PABPC4L: variants seen among roughly 807,000 people sequenced by gnomAD.
PABPC4L encodes poly(A) binding protein cytoplasmic 4 like, also known as polyadenylate-binding protein 4-like.
For missense variants in PABPC4L, 452 were observed against 451.4 expected, an observed-to-expected ratio of 1.00 and a Z score of -0.01; for synonymous variants, 169 against 164.1, an observed-to-expected ratio of 1.03 and a Z score of -0.23.
the PABPC4L span, among the ~76,000 whole-genome samples, chr4:134,032,182 C>T: frequency 6.6e-6 from 1 of 151,682 alleles, no homozygotes; most frequent in Non-Finnish European, 1.5e-5. Flanking sequence ...GATACCATAG[C>T]AAAGGCACAA....
rs1729812735 is a variant in PABPC4L, at chr4:134,200,318, A to G, written c.702T>C (p.Phe234=). 2 of 1,593,300 alleles carry G rather than the reference A, an allele frequency of 1.3e-6. No individual in the cohort carries two copies. Among genetic ancestry groups the G allele is most frequent in the East Asian group, 2.3e-5 (1 of 44,026 alleles). The change falls in exon 2 of 2, where the codon TTT becomes TTC. Residue 234 remains phenylalanine (F), a synonymous_variant. Transcript: ENST00000421491. Reference sequence around the variant, plus strand: ...CAGCCTCATGGCTATCAAAACTCACAAAGCCAAAGCCTTTGGATTTCCCAC... The same window carrying G: ...CAGCCTCATGGCTATCAAAACTCACGAAGCCAAAGCCTTTGGATTTCCCAC... ...DSSGKSKGFG[F]VSFDSHEAAK...
the PABPC4L span, among the ~76,000 whole-genome samples, chr4:134,035,844 A>G: frequency 6.6e-6 from 1 of 151,994 alleles, no homozygotes; most frequent in Admixed American, 6.6e-5. Flanking sequence ...CATCTGCCTA[A>G]TTTTATATCT....
At chr4:133,995,615 C>T in the PABPC4L span, among the ~76,000 whole-genome samples, 5 of 152,294 alleles carry the variant, frequency 3.3e-5, no homozygotes, top group East Asian at 7.7e-4. Context: ...CTCTGTTGAA[C>T]TTCACTTTTG....
chr4:134,067,662 T>TA, the PABPC4L span, among the ~76,000 whole-genome samples: 1 of 152,104 alleles, frequency 6.6e-6, no homozygotes, highest in Non-Finnish European at 1.5e-5. Flanking sequence ...ATGTGTGCAT[T>TA]AAGTGCTACA....
the PABPC4L span, among the ~76,000 whole-genome samples, chr4:134,066,783 A>G: frequency 1.1e-4 from 17 of 152,144 alleles, no homozygotes; most frequent in African/African-American, 3.9e-4. Context: ...CCTTTTTTGC[A>G]TCTATTGAGA....
the PABPC4L span, among the ~76,000 whole-genome samples, chr4:133,957,757 G>T: frequency 6.6e-6 from 1 of 152,158 alleles, no homozygotes; most frequent in Non-Finnish European, 1.5e-5. Flanking sequence ...CTTCACTTTT[G>T]TGAACCCACA....
chr4:133,989,114 T>A, the PABPC4L span, among the ~76,000 whole-genome samples: 731 of 152,174 alleles, frequency 4.8e-3, 4 homozygotes, highest in Middle Eastern at 0.031. Context: ...GCATTTTTTT[T>A]CCTCCTAGGC....
the PABPC4L span, among the ~76,000 whole-genome samples, chr4:134,117,164 TA>T: frequency 7.8e-4 from 118 of 151,930 alleles, no homozygotes; most frequent in African/African-American, 2.1e-3. Context: ...ATTTTCATCT[TA>T]AAATGTAATC....
the PABPC4L span, among the ~76,000 whole-genome samples, chr4:134,044,596 A>C: frequency 3.9e-5 from 6 of 152,116 alleles, no homozygotes; most frequent in Non-Finnish European, 8.8e-5. Context: ...CTTCACCACC[A>C]CTAATTTTAG....
At chr4:134,090,255 A>G in the PABPC4L span, among the ~76,000 whole-genome samples, 3 of 152,118 alleles carry the variant, frequency 2.0e-5, no homozygotes, top group African/African-American at 7.2e-5. Context: ...AATTGCCTGA[A>G]TAAATAATCT....
the PABPC4L span, among the ~76,000 whole-genome samples, chr4:134,059,823 C>G: frequency 6.6e-6 from 1 of 152,164 alleles, no homozygotes; most frequent in South Asian, 2.1e-4. Context: ...GAATCATCTC[C>G]CCGACAGGAA....
At chr4:134,081,354 A>G in the PABPC4L span, among the ~76,000 whole-genome samples, 4 of 152,280 alleles carry the variant, frequency 2.6e-5, no homozygotes, top group Non-Finnish European at 4.4e-5. Flanking sequence ...TGAGGTTCCA[A>G]AGAAAGAAGC....
At chr4:134,154,174 A>G in the PABPC4L span, among the ~76,000 whole-genome samples, 2 of 152,170 alleles carry the variant, frequency 1.3e-5, no homozygotes, top group South Asian at 2.1e-4. Context: ...ATAAAATATT[A>G]TGAAATATTT....
At chr4:134,050,417 GAA>G in the PABPC4L span, among the ~76,000 whole-genome samples, 1 of 152,004 alleles carries the variant, frequency 6.6e-6, no homozygotes, top group African/African-American at 2.4e-5. Context: ...CAAAAGAAGT[GAA>G]AGACGGCTGA....
chr4:133,965,765 C>T, the PABPC4L span, among the ~76,000 whole-genome samples: 3 of 151,954 alleles, frequency 2.0e-5, no homozygotes, highest in Non-Finnish European at 1.5e-5. Flanking sequence ...ATTGGCTAGC[C>T]ATATGTAGGA....
At chr4:133,950,974 A>G in the PABPC4L span, among the ~76,000 whole-genome samples, 2 of 152,186 alleles carry the variant, frequency 1.3e-5, no homozygotes, top group Admixed American at 6.5e-5. Context: ...TAGTATACAT[A>G]ATGCTGTCTT....
the PABPC4L span, among the ~76,000 whole-genome samples, chr4:133,954,397 G>T: frequency 6.6e-6 from 1 of 152,234 alleles, no homozygotes; most frequent in Admixed American, 6.5e-5. Flanking sequence ...TTTACATAGA[G>T]AATTAAAACT....
the PABPC4L span, among the ~76,000 whole-genome samples, chr4:134,068,623 A>G: frequency 6.6e-6 from 1 of 151,836 alleles, no homozygotes; most frequent in African/African-American, 2.4e-5. Flanking sequence ...TGATCTATGT[A>G]CCTCAGTGTG....
chr4:134,046,215 G>A, the PABPC4L span, among the ~76,000 whole-genome samples: 1 of 152,020 alleles, frequency 6.6e-6, no homozygotes, highest in Non-Finnish European at 1.5e-5. Flanking sequence ...AGGAGGACAG[G>A]GTGATAGTTG....
Sources: gnomAD v4.1 joint callset for allele counts (sites outside exome capture counted in the v4.1 genomes callset) on GRCh38, gnomAD v4.1.1 for gene constraint, MANE v1.5 for transcripts, NCBI Gene and HGNC (gene_info 2026-07-23, HGNC 2026-07-21) for gene names.